TAPBPL: variants seen among roughly 807,000 people sequenced by gnomAD.
The protein encoded by TAPBPL is tapasin-related protein.
TAPBPL carries 32 observed loss-of-function variants against 44.8 expected under a neutral mutation model. The ratio of observed to expected loss-of-function variants is 0.71; its 90% CI spans 0.54 to 0.96. TAPBPL has a LOEUF of 0.96. Among genes scored for constraint, TAPBPL ranks in the 40% least tolerant of loss-of-function variants. The pLI, the probability that TAPBPL is intolerant of heterozygous loss-of-function variation, is 0.00. For synonymous variants in TAPBPL, 230 were observed against 240.7 expected (o/e 0.96, Z 0.41); for missense variants, 520 against 586.6 (o/e 0.89, Z 1.17).
upstream of TAPBPL, chr12:6,451,979 G>A (rs7132503): frequency 0.042 from 22,132 of 529,934 alleles, 1,464 homozygotes; most frequent in African/African-American, 0.19. Flanking sequence ...AATCACCAGG[G>A]GATTTCCGGG....
chr12:6,460,997 C>A, intron 6 of TAPBPL, 59 bp downstream of exon 6: 6 of 1,608,634 alleles, frequency 3.7e-6, no homozygotes, highest in Non-Finnish European at 5.1e-6. Context: ...TCTAACCACC[C>A]CCCCGCCCAG....
downstream of TAPBPL, chr12:6,463,312 G>T: frequency 8.3e-7 from 1 of 1,208,362 alleles, no homozygotes; most frequent in South Asian, 2.1e-5. The surrounding 1 kb of genome is among the most constrained non-coding windows in gnomAD (Gnocchi z 4.0). Context: ...GACACAGGCT[G>T]GCACGCCTCC....
downstream of TAPBPL, chr12:6,464,995 A>C (rs1949969843): frequency 6.2e-7 from 1 of 1,609,304 alleles, no homozygotes; most frequent in African/African-American, 1.3e-5. Context: ...TGAGGAAAAG[A>C]GCCACATCTC....
chr12:6,470,513 C>T (rs367734911), downstream of TAPBPL: 199 of 1,614,028 alleles, frequency 1.2e-4, no homozygotes, highest in African/African-American at 2.5e-3. Flanking sequence ...CGAGCCCCCA[C>T]ACCAGAGTCA....
chr12:6,455,398 C>T (rs537624400), intron 3 of TAPBPL, among the ~76,000 whole-genome samples: 19 of 152,242 alleles, frequency 1.2e-4, no homozygotes, highest in Non-Finnish European at 2.5e-4. Flanking sequence ...GTAGTCTACC[C>T]GTAGCGCAGG....
At chr12:6,463,043 C>T (rs1287137823), downstream of TAPBPL, 2 of 1,543,858 alleles carry the variant, frequency 1.3e-6, no homozygotes, top group East Asian at 4.9e-5. The surrounding 1 kb of genome is among the most constrained non-coding windows in gnomAD (Gnocchi z 4.0). Flanking sequence ...CTGCCCTCCT[C>T]CCCTTGCACC....
chr12:6,466,500 T>C (rs1348172361), downstream of TAPBPL: 4 of 717,262 alleles, frequency 5.6e-6, no homozygotes, highest in African/African-American at 1.8e-5. Context: ...CTGGGCATCA[T>C]AGCGAGACCC....
chr12:6,468,100 G>T (rs1945675355), downstream of TAPBPL, among the ~76,000 whole-genome samples: 1 of 152,206 alleles, frequency 6.6e-6, no homozygotes. Context: ...CTGGAACACT[G>T]CCTAGTGGAG....
downstream of TAPBPL, among the ~76,000 whole-genome samples, chr12:6,469,305 C>T (rs530971743): frequency 3.3e-5 from 5 of 152,070 alleles, no homozygotes; most frequent in Admixed American, 3.3e-4. Context: ...AGGATGGTAG[C>T]ACCAATGACA....
At position 6,453,989 on chromosome 12, in the gene TAPBPL, T is replaced by C. The variant is rs1949636073; in HGVS notation, c.565+273T>C. ...GAGATCACACCATGGCACTTCAGCC[T>C]GGGCAACAAGAGCGAAACTCCATCT... On this transcript the variant is annotated intron_variant, in intron 3 of 6. Coordinates refer to ENST00000266556, the MANE Select transcript of TAPBPL (RefSeq NM_018009.5). This position sits in a 1 kb window ranked among gnomAD's most constrained non-coding sequence, Gnocchi z 4.8. 3.3e-5 allele frequency among the ~76,000 whole-genome samples: 5 copies of C among 149,466 alleles called. No individual in the cohort carries two copies. The Admixed American group carries it at 3.4e-4, about 10-fold the overall frequency.
At chr12:6,470,388 C>A, downstream of TAPBPL, 2 of 1,291,752 alleles carry the variant, frequency 1.5e-6, no homozygotes, top group Non-Finnish European at 2.2e-6. Flanking sequence ...CTGGGGGTGG[C>A]CCGGTCCGGA....
downstream of TAPBPL, chr12:6,466,496 A>G: frequency 2.6e-6 from 2 of 783,208 alleles, no homozygotes; most frequent in South Asian, 3.9e-5. Flanking sequence ...CAGCCTGGGC[A>G]TCATAGCGAG....
chr12:6,470,652 G>A, downstream of TAPBPL: 10 of 1,326,472 alleles, frequency 7.5e-6, no homozygotes, highest in Admixed American at 1.9e-5. Flanking sequence ...CGACTACCCC[G>A]CGGTCTAGCT....
chr12:6,458,738 T>A lies in TAPBPL; in HGVS notation c.998T>A (p.Val333Glu). Residue 333 changes from valine (V) to glutamate (E), a missense_variant, in exon 5 of 7, where the codon GTG (valine) becomes GAG (glutamate). Val to Glu is a moderately radical substitution (Grantham distance 121). Transcript: ENST00000266556. ...GGCTATTACCCTCTGGATGTGGTGG[T>A]GACGTGGACCCGAGAGGAGCTGGGT... ...IAGYYPLDVV[V>E]TWTREELGGS... 1 of 1,614,158 alleles carries A rather than the reference T, an allele frequency of 6.2e-7. No individual in the cohort carries two copies. The highest frequency in any genetic ancestry group is 8.5e-7 in the Non-Finnish European group (1 of 1,180,034).
chr12:6,458,975 C>T (rs768700135), intron 5 of TAPBPL, 28 bp downstream of exon 5: 3 of 1,604,222 alleles, frequency 1.9e-6, no homozygotes, highest in Admixed American at 3.4e-5. Flanking sequence ...CTTTTCCCCA[C>T]CTCCACACTA....
downstream of TAPBPL, chr12:6,466,138 A>G: frequency 6.2e-7 from 1 of 1,610,746 alleles, no homozygotes; most frequent in Non-Finnish European, 8.5e-7. Flanking sequence ...CTATTCTCCT[A>G]CGAAAAAAGG....
chr12:6,471,463 T>G (rs189268835), downstream of TAPBPL, among the ~76,000 whole-genome samples: 1 of 152,318 alleles, frequency 6.6e-6, no homozygotes, highest in East Asian at 1.9e-4. The surrounding 1 kb of genome is among the most constrained non-coding windows in gnomAD (Gnocchi z 4.0). Flanking sequence ...ATCTCCCCTC[T>G]GCTCACTATT....
chr12:6,462,934 C>T (rs1165175507), downstream of TAPBPL: 1 of 1,557,992 alleles, frequency 6.4e-7, no homozygotes, highest in Non-Finnish European at 8.7e-7. Context: ...GGAAAGTGGG[C>T]ATCCAGACCC....
rs1481420340 is a variant in TAPBPL at position 6,453,054 on chromosome 12, C to T, written c.65-13C>T. On this transcript the variant is annotated splice_polypyrimidine_tract_variant and intron_variant, in intron 1 of 6. Transcript: ENST00000266556. This position sits in a 1 kb window ranked among gnomAD's most constrained non-coding sequence, Gnocchi z 4.8. ...CTGGGGAAGGCGGTGCTCACCCCAG[C>T]CTTTGTCTGCAGAGCCCCACCCAGC... The T allele has an allele frequency of 6.4e-7, 1 of 1,562,244 alleles. No homozygotes were observed. The highest frequency in any genetic ancestry group is 8.7e-7 in the Non-Finnish European group (1 of 1,153,386).
Sources: allele counts gnomAD v4.1 joint callset (sites outside exome capture counted in the v4.1 genomes callset), GRCh38; gene constraint gnomAD v4.1.1; non-coding constraint Gnocchi (gnomAD v3.1); transcripts MANE v1.5; gene names NCBI Gene and HGNC (gene_info 2026-07-23, HGNC 2026-07-21).